Variants in MPHOSPH9 observed in about 807,000 individuals in gnomAD.
MPHOSPH9 encodes M-phase phosphoprotein 9.
A neutral mutation model predicts 145.5 loss-of-function variants in MPHOSPH9; 88 were observed. The observed-to-expected ratio is 0.60, with a 90% CI of 0.51 to 0.72. MPHOSPH9 has a LOEUF of 0.72. MPHOSPH9 is among the 30% of genes least tolerant of loss of function. The pLI is 0.00. For missense variants in MPHOSPH9, 1,238 were observed against 1,386.6 expected (o/e 0.89, Z 1.70); for synonymous variants, 435 against 486.2 (o/e 0.89, Z 1.39).
intron 1 of MPHOSPH9, among the ~76,000 whole-genome samples, chr12:123,240,130 G>C (rs972074449): frequency 5.9e-5 from 9 of 151,456 alleles, no homozygotes; most frequent in African/African-American, 2.2e-4. Flanking sequence ...TTGAGAGGCT[G>C]AGGCTTGTGG....
intron 16 of MPHOSPH9, among the ~76,000 whole-genome samples, chr12:123,173,186 C>T (rs561110715): frequency 5.3e-5 from 8 of 152,180 alleles, no homozygotes; most frequent in Non-Finnish European, 1.0e-4. Context: ...TGCATTCACT[C>T]GAGTACCCTC....
intron 8 of MPHOSPH9, among the ~76,000 whole-genome samples, chr12:123,206,621 G>A (rs2046448104): frequency 6.6e-6 from 1 of 151,864 alleles, no homozygotes; most frequent in African/African-American, 2.4e-5. Context: ...ATGCATAAGA[G>A]TTATATAATA....
At chr12:123,194,192 C>A (rs2045839920) in intron 13 of MPHOSPH9, among the ~76,000 whole-genome samples, 194 bp downstream of exon 13, 1 of 152,028 alleles carries the variant, frequency 6.6e-6, no homozygotes, top group South Asian at 2.1e-4. Flanking sequence ...TCTCTTGAGC[C>A]CGGGAGGTGG....
chr12:123,203,049 T>C lies in MPHOSPH9; in HGVS notation c.1356A>G (p.Pro452=), dbSNP rs779432309. The change falls in exon 10 of 24, where the codon CCA becomes CCG. Residue 452 remains proline (P), a synonymous_variant. Transcript: ENST00000606320. ...LTLDPTLHMK[P]KQQISGIQPH... Reference sequence around the variant, plus strand: ...GTTGAATCCCTGAAATCTGCTGCTTTGGCTTCATGTGTAACGTAGGATCTA... The same window carrying C: ...GTTGAATCCCTGAAATCTGCTGCTTCGGCTTCATGTGTAACGTAGGATCTA... The C allele has an allele frequency of 1.9e-6, 3 of 1,614,130 alleles. No individual in the cohort carries two copies. Among genetic ancestry groups the C allele is most frequent in the Non-Finnish European group, 2.5e-6 (3 of 1,180,000 alleles).
At chr12:123,240,496 A>G (rs2047915897) in intron 1 of MPHOSPH9, 1 of 152,076 alleles carries the variant, frequency 6.6e-6, no homozygotes, top group African/African-American at 2.4e-5. Flanking sequence ...CAATCTTCGT[A>G]AAGCACACTG....
At chr12:123,211,075 C>T (rs1011630929) in intron 7 of MPHOSPH9, among the ~76,000 whole-genome samples, 1 of 150,568 alleles carries the variant, frequency 6.6e-6, no homozygotes, top group African/African-American at 2.4e-5. Flanking sequence ...ACCTCCGCCT[C>T]CCAGGTTCAA....
At chr12:123,171,522 G>T (rs1197550572) in intron 16 of MPHOSPH9, among the ~76,000 whole-genome samples, 1 of 151,922 alleles carries the variant, frequency 6.6e-6, no homozygotes, top group African/African-American at 2.4e-5. Flanking sequence ...GCTGAGGTGG[G>T]CGGATCACTT....
intron 13 of MPHOSPH9, among the ~76,000 whole-genome samples, chr12:123,181,868 G>A (rs1249331676): frequency 6.6e-6 from 1 of 152,154 alleles, no homozygotes; most frequent in Non-Finnish European, 1.5e-5. Flanking sequence ...CTGGGCCACA[G>A]AGCGAGACCC....
chr12:123,197,880 G>A (rs1337418538), intron 12 of MPHOSPH9, among the ~76,000 whole-genome samples: 4 of 150,902 alleles, frequency 2.7e-5, no homozygotes, highest in African/African-American at 7.3e-5. Flanking sequence ...TCAGGAGATC[G>A]AGACCATCCT....
intron 6 of MPHOSPH9, among the ~76,000 whole-genome samples, chr12:123,216,955 A>G (rs2046989800): frequency 6.6e-6 from 1 of 151,116 alleles, no homozygotes; most frequent in African/African-American, 2.4e-5. Context: ...TGTCACTGCA[A>G]CCCAGCCTGG....
intron 6 of MPHOSPH9, among the ~76,000 whole-genome samples, chr12:123,216,097 C>T (rs1371935100): frequency 1.3e-5 from 2 of 152,032 alleles, no homozygotes; most frequent in African/African-American, 4.8e-5. Flanking sequence ...ATTAGCCGGG[C>T]GTGGTGGTGG....
chr12:123,221,266 G>T lies in MPHOSPH9; in HGVS notation c.872+106C>A, dbSNP rs903126337. On this transcript the variant is annotated intron_variant, in intron 5 of 23. Transcript: ENST00000606320. The stretch of plus-strand genomic sequence containing the variant: ...TTTATTTCAATTTTCTACAGGCAAT[G>T]AACTGATAAATGTTCAAATACATCT... 2.8e-5 allele frequency: 26 copies of T among 922,188 alleles called. No individual in the cohort carries two copies. The African/African-American group carries it at 4.4e-4, about 16-fold the overall frequency. The allele number at this position is 922,188 out of a possible 1,614,324, so 57.1% of individuals were successfully genotyped here.
In MPHOSPH9 at chr12:123,155,596, G is replaced by A. The variant is rs1208692835; in HGVS notation, c.*1211C>T. On this transcript the variant is annotated 3_prime_UTR_variant, in exon 24 of 24. Transcript: ENST00000606320. Reference sequence around the variant, plus strand: ...ATGAGTCTGTTTATCAACATGTACCGAGCTGGAATATGTGGGGCACTGCGT... The same window carrying A: ...ATGAGTCTGTTTATCAACATGTACCAAGCTGGAATATGTGGGGCACTGCGT... The A allele has an allele frequency of 1.3e-5, 2 of 152,304 alleles. No individual in the cohort carries two copies. Among genetic ancestry groups the A allele is most frequent in the South Asian group, 2.1e-4 (1 of 4,826 alleles). The allele number at this position is 152,304 out of a possible 1,614,324, so 9.4% of individuals were successfully genotyped here. A position where few individuals can be genotyped will look rare whatever the true frequency, so the allele number is the denominator to read the frequency against.
At position 123,230,395 on chromosome 12, in the gene MPHOSPH9, G is replaced by GA; in HGVS notation, c.-32_-31insT. 7.5e-7 allele frequency: 1 copy of GA among 1,328,052 alleles called. No individual in the cohort carries two copies. The highest frequency in any genetic ancestry group is 1.0e-6 in the Non-Finnish European group (1 of 974,054). The allele number at this position is 1,328,052 out of a possible 1,614,324, so 82.3% of individuals were successfully genotyped here. A position where few individuals can be genotyped will look rare whatever the true frequency, so the allele number is the denominator to read the frequency against. On this transcript the variant is annotated 5_prime_UTR_variant, in exon 2 of 24. The change abolishes the stop of an existing upstream ORF in the 5' untranslated region. Transcript: ENST00000606320. ...ACAGAAATTGTTATATTCTCTTATT[G>GA]GAAAATAAAGGTTCTTGGGCTGTTT...
In MPHOSPH9 at chr12:123,156,180, ATC is replaced by A. The variant is rs1459247117; in HGVS notation, c.*625_*626del. 6.6e-6 allele frequency: 1 copy of A among 152,226 alleles called. No individual in the cohort carries two copies. Among genetic ancestry groups the A allele is most frequent in the East Asian group, 1.9e-4 (1 of 5,206 alleles). The allele number at this position is 152,226 out of a possible 1,614,324, so 9.4% of individuals were successfully genotyped here. Reference sequence around the variant, plus strand: ...GAAAAGATAAAATTAGAGAATTACAATCTCTCTTTTTTCTCTTACAGACAATA... The same window carrying A: ...GAAAAGATAAAATTAGAGAATTACAATCTCTTTTTTCTCTTACAGACAATA... On this transcript the variant is annotated 3_prime_UTR_variant, in exon 24 of 24. Coordinates refer to ENST00000606320, the MANE Select transcript of MPHOSPH9 (RefSeq NM_022782.4).
At chr12:123,166,080 G>C (rs536717836) in intron 17 of MPHOSPH9, among the ~76,000 whole-genome samples, 2 of 152,228 alleles carry the variant, frequency 1.3e-5, no homozygotes, top group Admixed American at 1.3e-4. Flanking sequence ...GGGCTGGCCA[G>C]AGCCATCTGA....
upstream of MPHOSPH9, among the ~76,000 whole-genome samples, chr12:123,235,729 C>T (rs1359359515): frequency 2.0e-5 from 3 of 151,970 alleles, no homozygotes; most frequent in East Asian, 5.8e-4. Context: ...TCTTGTTCTA[C>T]TCTTTCCCCC....
At chr12:123,219,487 A>AG (rs1297146061) in intron 5 of MPHOSPH9, among the ~76,000 whole-genome samples, 22 of 146,302 alleles carry the variant, frequency 1.5e-4, no homozygotes. Context: ...CGGGAGGCAG[A>AG]GCTTGCAGTG....
chr12:123,215,009 C>T (rs572524055), intron 6 of MPHOSPH9, among the ~76,000 whole-genome samples, 175 bp from the exon 7 acceptor site: 1 of 152,164 alleles, frequency 6.6e-6, no homozygotes, highest in African/African-American at 2.4e-5. Context: ...TTTGGGAGGC[C>T]GAGGCGGGTG....
Sources: allele counts gnomAD v4.1 joint callset (sites outside exome capture counted in the v4.1 genomes callset), GRCh38; gene constraint gnomAD v4.1.1; transcripts MANE v1.5; gene names NCBI Gene and HGNC (gene_info 2026-07-23, HGNC 2026-07-21).